The following ARHGAP17 variants were observed in gnomAD, a reference collection of about 807,000 sequenced individuals.
ARHGAP17 encodes the protein rho GTPase-activating protein 17.
In ARHGAP17, 57 loss-of-function variants were observed where a neutral mutation model predicts 99.5. The observed-to-expected ratio is 0.57, with a 90% CI of 0.46 to 0.71. The LOEUF is 0.71. Among genes scored for constraint, ARHGAP17 ranks in the 30% least tolerant of loss-of-function variants. The probability of loss-of-function intolerance (pLI) is 0.00; values close to 1 mark genes in which losing one functional copy is unlikely to be tolerated. For missense variants in ARHGAP17, 1,000 were observed against 1,122.4 expected, an observed-to-expected ratio of 0.89 and a Z score of 1.56; for synonymous variants, 417 against 429.6, an observed-to-expected ratio of 0.97 and a Z score of 0.36.
intron 17 of ARHGAP17, among the ~76,000 whole-genome samples, chr16:24,938,643 G>A (rs942864476): frequency 1.3e-5 from 2 of 151,910 alleles, no homozygotes; most frequent in Admixed American, 1.3e-4. Flanking sequence ...ATGGTGACAA[G>A]CACCTGTAAT....
intron 4 of ARHGAP17, among the ~76,000 whole-genome samples, chr16:24,970,023 T>C (rs947116552): frequency 3.3e-5 from 5 of 149,874 alleles, no homozygotes; most frequent in Admixed American, 2.7e-4. Context: ...TTCTTACTTA[T>C]ATAAATTATT....
At chr16:24,994,986 T>G (rs1328234998) in intron 1 of ARHGAP17, among the ~76,000 whole-genome samples, 1 of 152,114 alleles carries the variant, frequency 6.6e-6, no homozygotes, top group Non-Finnish European at 1.5e-5. Context: ...TCAGGAAACT[T>G]ACAATCATGG....
chr16:24,951,469 C>T (rs1485799577), intron 12 of ARHGAP17, among the ~76,000 whole-genome samples: 1 of 152,168 alleles, frequency 6.6e-6, no homozygotes, highest in Non-Finnish European at 1.5e-5. Context: ...ACACAAGGTC[C>T]ACTTATATGC....
chr16:24,987,789 T>C (rs956038111), intron 1 of ARHGAP17, among the ~76,000 whole-genome samples: 3 of 152,134 alleles, frequency 2.0e-5, no homozygotes, highest in African/African-American at 7.2e-5. Flanking sequence ...ATACGTCAAT[T>C]AAAATGAAAA....
At chr16:24,954,475 T>C in intron 10 of ARHGAP17, 128 bp downstream of exon 10, 1 of 1,341,484 alleles carries the variant, frequency 7.5e-7, no homozygotes, top group Non-Finnish European at 1.0e-6. Flanking sequence ...AAGCCACTGT[T>C]CTACACAAAA....
At chr16:24,940,049 G>C (rs1459732853) in intron 16 of ARHGAP17, 3 of 176,434 alleles carry the variant, frequency 1.7e-5, no homozygotes, top group African/African-American at 7.2e-5. Context: ...CTCTGGAGCA[G>C]CTTGGACTAC....
intron 1 of ARHGAP17, among the ~76,000 whole-genome samples, chr16:25,002,836 T>A (rs149275769): frequency 2.3e-4 from 35 of 152,160 alleles, no homozygotes; most frequent in African/African-American, 8.2e-4. Context: ...GTCAGGAGTT[T>A]GAGACCAGCC....
chr16:24,982,503 G>T (rs548445289), intron 1 of ARHGAP17, among the ~76,000 whole-genome samples: 1 of 152,168 alleles, frequency 6.6e-6, no homozygotes, highest in African/African-American at 2.4e-5. Context: ...GACAAATCAT[G>T]ACTATGGAGT....
At chr16:24,999,360 G>A (rs1437232309) in intron 1 of ARHGAP17, among the ~76,000 whole-genome samples, 1 of 152,126 alleles carries the variant, frequency 6.6e-6, no homozygotes, top group East Asian at 1.9e-4. Flanking sequence ...TAATAAAACA[G>A]ACAGAAGTGT....
intron 13 of ARHGAP17, 94 bp downstream of exon 13, chr16:24,949,310 T>C (rs1045767090): frequency 1.0e-6 from 1 of 967,324 alleles, no homozygotes; most frequent in African/African-American, 1.7e-5. Flanking sequence ...GTTGTTGTTT[T>C]TTAATGTGCC....
intron 18 of ARHGAP17, among the ~76,000 whole-genome samples, chr16:24,931,990 G>A (rs1443757972): frequency 1.3e-5 from 2 of 152,012 alleles, no homozygotes; most frequent in South Asian, 2.1e-4. Flanking sequence ...GGTGGCATGC[G>A]CCTGTAATCC....
At chr16:24,976,002 G>A in intron 3 of ARHGAP17, among the ~76,000 whole-genome samples, 1 of 151,426 alleles carries the variant, frequency 6.6e-6, no homozygotes, top group East Asian at 1.9e-4. Context: ...CCTTGATAAA[G>A]TCTATGAGCT....
At chr16:24,920,298 G>A (rs1005057970) in intron 19 of ARHGAP17, 38 bp from the exon 20 acceptor site, 1 of 1,611,084 alleles carries the variant, frequency 6.2e-7, no homozygotes, top group Non-Finnish European at 8.5e-7. Context: ...ATCAATGAGG[G>A]GTAACCCCCG....
chr16:25,001,867 T>C (rs2053368656), intron 1 of ARHGAP17, among the ~76,000 whole-genome samples: 1 of 152,166 alleles, frequency 6.6e-6, no homozygotes, highest in African/African-American at 2.4e-5. Context: ...GAGGATCACC[T>C]GAGGTCAGGA....
chr16:24,954,562 G>A (rs1181822633), intron 10 of ARHGAP17, 41 bp downstream of exon 10: 2 of 1,593,792 alleles, frequency 1.3e-6, no homozygotes, highest in Non-Finnish European at 1.7e-6. Flanking sequence ...ACAACAAGGG[G>A]CATGGAGACT....
rs903356574 is a variant in ARHGAP17 at position 24,992,897 on chromosome 16, C to T, written c.54-13892G>A. 2.6e-5 allele frequency among the ~76,000 whole-genome samples: 4 copies of T among 152,098 alleles called. No homozygotes were observed. In the East Asian group the frequency reaches 7.7e-4, roughly 29 times the overall value. ...CTTATTTTAGCCTCCAACTCCTGGG[C>T]TCAGCAATCCTCCTGTCTCAGCCTC... On this transcript the variant is annotated intron_variant, in intron 1 of 19. Transcript: ENST00000289968.
Position 25,010,805 on chromosome 16 carries a change from G to A in ARHGAP17, c.53+4404C>T, listed in dbSNP as rs114747077. 1.0e-3 allele frequency among the ~76,000 whole-genome samples: 153 copies of A among 152,374 alleles called. 2 individuals carry two copies. Among genetic ancestry groups the A allele is most frequent in the African/African-American group, 3.5e-3 (147 of 41,586 alleles). On this transcript the variant is annotated intron_variant, in intron 1 of 19. Coordinates refer to ENST00000289968, the MANE Select transcript of ARHGAP17 (RefSeq NM_001006634.3). ...CCTTTGGTGGGACACAGTCCTCCAG[G>A]TCCCCTGAGGCCTTCACATGGCCCA...
rs75803437 is a variant in ARHGAP17 at position 24,946,392 on chromosome 16, C to G, written c.1241+1090G>C. Reference sequence around the variant, plus strand: ...CAACAGTGTCTTGGCCCATCCAGGTCCTGGCTGTACGAAACTGTTAACTCA... The same window carrying G: ...CAACAGTGTCTTGGCCCATCCAGGTGCTGGCTGTACGAAACTGTTAACTCA... On this transcript the variant is annotated intron_variant, in intron 14 of 19. Transcript: ENST00000289968. Among the ~76,000 whole-genome samples, 782 of 151,746 alleles carry G rather than the reference C, an allele frequency of 5.2e-3. 3 individuals are homozygous for G. The highest frequency in any genetic ancestry group is 8.6e-3 in the Non-Finnish European group (584 of 67,964).
intron 1 of ARHGAP17, among the ~76,000 whole-genome samples, chr16:25,004,354 T>C (rs913357980): frequency 6.6e-6 from 1 of 152,196 alleles, no homozygotes; most frequent in Non-Finnish European, 1.5e-5. Context: ...CCCTGCTTTG[T>C]GCCTGTGCCC....
Sources: allele counts gnomAD v4.1 joint callset (sites outside exome capture counted in the v4.1 genomes callset), GRCh38; gene constraint gnomAD v4.1.1; transcripts MANE v1.5; gene names NCBI Gene and HGNC (gene_info 2026-07-23, HGNC 2026-07-21).